The following RPH3A variants were observed in gnomAD, a reference collection of about 807,000 sequenced individuals.
The protein encoded by RPH3A is rabphilin 3A.
A neutral mutation model predicts 102.2 loss-of-function variants in RPH3A; 48 were observed. The ratio of observed to expected loss-of-function variants is 0.47; its 90% confidence interval spans 0.37 to 0.60. RPH3A has a LOEUF of 0.60. RPH3A is among the 20% of genes least tolerant of loss of function. The pLI is 0.00. For synonymous variants in RPH3A, 310 were observed against 324.3 expected, an observed-to-expected ratio of 0.96 and a Z score of 0.47; for missense variants, 781 against 910.1, an observed-to-expected ratio of 0.86 and a Z score of 1.83.
intron 1 of RPH3A, among the ~76,000 whole-genome samples, chr12:112,779,040 T>C (rs1386346687): frequency 2.0e-5 from 3 of 152,108 alleles, no homozygotes; most frequent in African/African-American, 4.8e-5. Context: ...CTGGCAAAGG[T>C]AGCAGAAAGT....
At chr12:112,879,536 C>T (rs2042869056) in intron 14 of RPH3A, among the ~76,000 whole-genome samples, 1 of 152,110 alleles carries the variant, frequency 6.6e-6, no homozygotes, top group Non-Finnish European at 1.5e-5. Flanking sequence ...CAGCCTGGCT[C>T]GACAGCTGAC....
intron 1 of RPH3A, among the ~76,000 whole-genome samples, chr12:112,604,561 T>C (rs899069581): frequency 3.3e-5 from 5 of 152,178 alleles, no homozygotes; most frequent in Non-Finnish European, 5.9e-5. Context: ...ACTGTATTAG[T>C]TTTCTATTAC....
chr12:112,714,729 G>A (rs1188518954), intron 1 of RPH3A, among the ~76,000 whole-genome samples: 1 of 152,132 alleles, frequency 6.6e-6, no homozygotes, highest in Non-Finnish European at 1.5e-5. Flanking sequence ...GATTGGAATC[G>A]ATGGAGTGAC....
intron 1 of RPH3A, among the ~76,000 whole-genome samples, chr12:112,691,061 G>C (rs1245358378): frequency 6.7e-6 from 1 of 150,252 alleles, no homozygotes; most frequent in African/African-American, 2.5e-5. Context: ...GTCTCGCTCT[G>C]TCGCCCAGGC....
chr12:112,733,921 C>A (rs1057140792), intron 1 of RPH3A, among the ~76,000 whole-genome samples: 9 of 152,122 alleles, frequency 5.9e-5, no homozygotes, highest in African/African-American at 2.2e-4. Context: ...GCTCTGGTAA[C>A]AATAGTATTA....
chr12:112,745,973 C>T (rs184205108), intron 1 of RPH3A, among the ~76,000 whole-genome samples: 8 of 151,906 alleles, frequency 5.3e-5, no homozygotes, highest in Admixed American at 2.6e-4. Flanking sequence ...TGAGCTTCCC[C>T]GAGGAAATCC....
intron 5 of RPH3A, among the ~76,000 whole-genome samples, chr12:112,863,125 A>T (rs1284342867): frequency 6.6e-6 from 1 of 152,198 alleles, no homozygotes; most frequent in Non-Finnish European, 1.5e-5. Flanking sequence ...CACAGTTGTC[A>T]TTCAGTGTGT....
intron 5 of RPH3A, among the ~76,000 whole-genome samples, chr12:112,848,885 G>A (rs1378991183): frequency 6.6e-6 from 1 of 152,050 alleles, no homozygotes; most frequent in Non-Finnish European, 1.5e-5. Flanking sequence ...TGTGTTTGGA[G>A]GACTCTTGGT....
chr12:112,765,839 CG>C lies in RPH3A; in HGVS notation c.-139-26302del, dbSNP rs780053371. Among the ~76,000 whole-genome samples, 4 of 152,252 alleles carry C rather than the reference CG, an allele frequency of 2.6e-5. No homozygotes were observed. The East Asian group carries it at 7.7e-4, about 29-fold the overall frequency. ...AAATTGATTTAGCTCCAAGGAGCAGCGGCCCATTCATATTAGCTGAGATAAA... is the reference window on the plus strand; with the variant it reads ...AAATTGATTTAGCTCCAAGGAGCAGCGCCCATTCATATTAGCTGAGATAAA... On this transcript the variant is annotated intron_variant, in intron 1 of 21. Coordinates refer to the RPH3A transcript ENST00000543106.
At chr12:112,869,627 G>C in intron 8 of RPH3A, 132 bp from the exon 9 acceptor site, 1 of 878,762 alleles carries the variant, frequency 1.1e-6, no homozygotes, top group Non-Finnish European at 1.8e-6. Context: ...AGGAGGTTGG[G>C]AGAAAGACTT....
At chr12:112,646,158 T>C (rs1402398275) in intron 1 of RPH3A, among the ~76,000 whole-genome samples, 5 of 152,194 alleles carry the variant, frequency 3.3e-5, no homozygotes. Context: ...AGGATGCTTT[T>C]GATCCAAAAG....
chr12:112,758,337 TGTCA>T (rs2040834454), intron 1 of RPH3A, among the ~76,000 whole-genome samples: 1 of 152,212 alleles, frequency 6.6e-6, no homozygotes, highest in Admixed American at 6.5e-5. Context: ...CCCAATACAG[TGTCA>T]GTCCAGAATG....
chr12:112,760,733 C>A (rs2040849459), intron 1 of RPH3A, among the ~76,000 whole-genome samples: 1 of 152,170 alleles, frequency 6.6e-6, no homozygotes, highest in Non-Finnish European at 1.5e-5. Flanking sequence ...GGAGAAACTT[C>A]TGAAAGGAAG....
chr12:112,736,368 A>T (rs1397391156), intron 1 of RPH3A, among the ~76,000 whole-genome samples: 1 of 152,186 alleles, frequency 6.6e-6, no homozygotes, highest in Non-Finnish European at 1.5e-5. Context: ...TGTCCAGGGG[A>T]TCTTGTCTCA....
At chr12:112,780,574 G>A (rs1012731807) in intron 1 of RPH3A, among the ~76,000 whole-genome samples, 8 of 152,094 alleles carry the variant, frequency 5.3e-5, no homozygotes, top group African/African-American at 1.7e-4. Context: ...TTTTCATGAC[G>A]ATTTTTATTA....
intron 10 of RPH3A, among the ~76,000 whole-genome samples, chr12:112,870,255 C>T (rs2042685032): frequency 7.0e-6 from 1 of 142,742 alleles, no homozygotes; most frequent in Non-Finnish European, 1.5e-5. Flanking sequence ...TGGTTAGATC[C>T]TTTTCTTGCT....
chr12:112,722,302 AG>A (rs1462563819), intron 1 of RPH3A, among the ~76,000 whole-genome samples: 1 of 152,258 alleles, frequency 6.6e-6, no homozygotes, highest in Admixed American at 6.5e-5. Context: ...CAGGTTCTGT[AG>A]GTAGGCATGA....
At chr12:112,810,856 T>C (rs989610861) in intron 2 of RPH3A, among the ~76,000 whole-genome samples, 3 of 152,204 alleles carry the variant, frequency 2.0e-5, no homozygotes, top group African/African-American at 7.2e-5. Context: ...TGCCTTTTGA[T>C]TAATCTAGTA....
At position 112,713,016 on chromosome 12, in the gene RPH3A, C is replaced by CTT. The variant is rs1565857220; in HGVS notation, c.-139-79127_-139-79126insTT. On this transcript the variant is annotated intron_variant, in intron 1 of 21. Transcript: ENST00000543106. ...TTGTCTTCCTCTTCCTCTTCCTCTT[C>CTT]CTCTTCCTCTTCTTCTTCTTCTTCT... Among the ~76,000 whole-genome samples, 87 of 74,050 alleles carry CTT rather than the reference C, an allele frequency of 1.2e-3. 6 individuals carry two copies. Among genetic ancestry groups the CTT allele is most frequent in the African/African-American group, 5.4e-3 (83 of 15,480 alleles). The allele number at this position is 74,050 out of a possible 152,430, so 48.6% of individuals were successfully genotyped here.
Sources: gnomAD v4.1 joint callset for allele counts (sites outside exome capture counted in the v4.1 genomes callset) on GRCh38, gnomAD v4.1.1 for gene constraint, MANE v1.5 for transcripts, NCBI Gene and HGNC (gene_info 2026-07-23, HGNC 2026-07-21) for gene names.